NGEF: variants seen among roughly 807,000 people sequenced by gnomAD.
The protein encoded by NGEF is neuronal guanine nucleotide exchange factor, also known as ephexin-1.
A neutral mutation model predicts 80.9 loss-of-function variants in NGEF; 31 were observed. That is an observed-to-expected ratio of 0.38 (90% CI 0.29 to 0.52). The LOEUF (loss-of-function observed/expected upper bound fraction) is 0.52, where lower values mean the gene tolerates loss of function less well. Among genes scored for constraint, NGEF ranks in the 20% least tolerant of loss-of-function variants. The pLI is 0.84. For synonymous variants in NGEF, 371 were observed against 370.2 expected (o/e 1.00, Z -0.03); for missense variants, 709 against 926.2 (o/e 0.77, Z 3.04).
intron 1 of NGEF, among the ~76,000 whole-genome samples, chr2:233,007,410 G>C (rs1030952073): frequency 2.6e-5 from 4 of 152,206 alleles, no homozygotes; most frequent in African/African-American, 9.7e-5. Context: ...CCGCCAGGTA[G>C]CTCTGTGTCT....
intron 3 of NGEF, among the ~76,000 whole-genome samples, chr2:232,941,477 C>T (rs1693436179): frequency 6.6e-6 from 1 of 152,168 alleles, no homozygotes; most frequent in African/African-American, 2.4e-5. Context: ...TCAGCCTACG[C>T]CCAGGAATGA....
intron 5 of NGEF, among the ~76,000 whole-genome samples, chr2:232,910,958 T>C (rs1330093467): frequency 6.6e-6 from 1 of 152,228 alleles, no homozygotes; most frequent in East Asian, 1.9e-4. Flanking sequence ...CTTTTCATTC[T>C]CTTAACTGTG....
rs577741824 is a variant in NGEF, at chr2:232,920,539, G to A, written c.573C>T (p.Ile191=). ...EYRDKSTLQE[I]ETRRQQDAEI... is the part of the protein sequence containing the mutation. ...CTGCATCCTGTTGCCTCCTGGTTTC[G>A]ATTTCTTGGAGAGTCGATTTATCTC... Residue 191 remains isoleucine, a synonymous_variant, in exon 5 of 15, where the codon ATC becomes ATT. Coordinates refer to ENST00000264051, the MANE Select transcript of NGEF (RefSeq NM_019850.3). 5.1e-6 allele frequency: 8 copies of A among 1,554,836 alleles called. No individual in the cohort carries two copies. The highest frequency in any genetic ancestry group is 1.4e-5 in the African/African-American group (1 of 72,816).
At chr2:232,882,783 A>G (rs1224865175) in intron 12 of NGEF, among the ~76,000 whole-genome samples, 4 of 152,156 alleles carry the variant, frequency 2.6e-5, no homozygotes, top group Non-Finnish European at 5.9e-5. Context: ...GTGCACTGCA[A>G]TCTCAGCTCA....
chr2:232,973,848 A>G (rs1471124403), intron 2 of NGEF, among the ~76,000 whole-genome samples: 1 of 152,226 alleles, frequency 6.6e-6, no homozygotes, highest in Non-Finnish European at 1.5e-5. Flanking sequence ...TGTGGCAAAC[A>G]GCTACCCAAT....
At chr2:232,992,940 T>C (rs1010051902) in intron 1 of NGEF, among the ~76,000 whole-genome samples, 70 of 149,540 alleles carry the variant, frequency 4.7e-4, no homozygotes, top group Non-Finnish European at 8.7e-4. Flanking sequence ...TGAGCCCAGA[T>C]TATGCTATTG....
chr2:232,955,428 ACCCAG>A (rs1693801703), intron 3 of NGEF, among the ~76,000 whole-genome samples: 1 of 152,088 alleles, frequency 6.6e-6, no homozygotes, highest in Non-Finnish European at 1.5e-5. Context: ...GAGTAAAAAG[ACCCAG>A]TCTAGGATCA....
At chr2:232,996,725 C>G (rs947860862) in intron 1 of NGEF, among the ~76,000 whole-genome samples, 1 of 152,168 alleles carries the variant, frequency 6.6e-6, no homozygotes, top group African/African-American at 2.4e-5. Flanking sequence ...GAACTCCTAA[C>G]CTCAGGTGAT....
chr2:232,934,041 AG>A (rs1243766808), intron 3 of NGEF, among the ~76,000 whole-genome samples: 1 of 152,138 alleles, frequency 6.6e-6, no homozygotes, highest in Non-Finnish European at 1.5e-5. Flanking sequence ...CAGGAGATTG[AG>A]ACCATCCTGG....
At chr2:232,883,776 T>C (rs1364046349) in intron 11 of NGEF, among the ~76,000 whole-genome samples, 2 of 152,104 alleles carry the variant, frequency 1.3e-5, no homozygotes, top group Non-Finnish European at 2.9e-5. Context: ...ACCCCCACTT[T>C]ACAGGAAGGG....
chr2:232,982,405 C>A (rs1408789885), intron 1 of NGEF, among the ~76,000 whole-genome samples: 1 of 152,142 alleles, frequency 6.6e-6, no homozygotes, highest in East Asian at 1.9e-4. Flanking sequence ...CCCCCAGCAC[C>A]CCTAAGAGAG....
chr2:232,936,789 A>C (rs540226532), intron 3 of NGEF, among the ~76,000 whole-genome samples: 1 of 152,270 alleles, frequency 6.6e-6, no homozygotes, highest in African/African-American at 2.4e-5. Context: ...CTTTCACCGT[A>C]ATAAACTGTA....
chr2:232,899,801 C>CAG (rs1375990233), intron 5 of NGEF, among the ~76,000 whole-genome samples: 5 of 149,844 alleles, frequency 3.3e-5, no homozygotes, highest in Admixed American at 6.8e-5. Context: ...TTCACTCACA[C>CAG]ACACGCTCTC....
intron 3 of NGEF, among the ~76,000 whole-genome samples, chr2:232,966,136 A>G (rs917242738): frequency 1.5e-4 from 23 of 152,180 alleles, no homozygotes; most frequent in Non-Finnish European, 2.6e-4. Context: ...ACCCTGCCAC[A>G]GCCAAAGCCC....
At chr2:232,979,966 C>T (rs1694376234) in intron 1 of NGEF, among the ~76,000 whole-genome samples, 1 of 152,134 alleles carries the variant, frequency 6.6e-6, no homozygotes. Context: ...GAGGCAGCTG[C>T]CACTCTCAGA....
rs1045005072 is a variant in NGEF, at chr2:232,920,205, C to G, written c.828+79G>C. 25 of 1,420,022 alleles carry G rather than the reference C, an allele frequency of 1.8e-5. No individual in the cohort carries two copies. In the African/African-American group the frequency reaches 2.4e-4, roughly 14 times the overall value. 88.0% of individuals were successfully genotyped at this position (1,420,022 alleles called of 1,614,324 possible). On this transcript the variant is annotated intron_variant, in intron 5 of 14. Transcript: ENST00000264051. ...TGAACCAGCCAGGGAACCTCACCCC[C>G]CAGAGGAAGCCTCACCCCCAGCAGT...
intron 5 of NGEF, among the ~76,000 whole-genome samples, chr2:232,904,074 C>T (rs1020668028): frequency 3.3e-5 from 5 of 152,276 alleles, no homozygotes; most frequent in Admixed American, 6.5e-5. Context: ...AAAGACAATT[C>T]GCCGCCCTGT....
intron 1 of NGEF, among the ~76,000 whole-genome samples, chr2:233,010,858 C>A (rs1019038736): frequency 6.6e-6 from 1 of 152,132 alleles, no homozygotes. Context: ...AATTCCACCC[C>A]CTGGTCTGAC....
chr2:232,995,117 T>C (rs199749665), intron 1 of NGEF, among the ~76,000 whole-genome samples: 1 of 12,600 alleles, frequency 7.9e-5, no homozygotes, highest in African/African-American at 6.0e-4. Context: ...TGTATATGTG[T>C]ACAGTATGTA....
Sources: allele counts gnomAD v4.1 joint callset (sites outside exome capture counted in the v4.1 genomes callset), GRCh38; gene constraint gnomAD v4.1.1; transcripts MANE v1.5; gene names NCBI Gene and HGNC (gene_info 2026-07-23, HGNC 2026-07-21).